Variants in DLGAP2 observed in about 807,000 individuals in gnomAD.
DLGAP2 encodes the protein DLG associated protein 2.
A neutral mutation model predicts 100.3 loss-of-function variants in DLGAP2; 26 were observed. The observed-to-expected ratio is 0.26, with a 90% CI of 0.19 to 0.36. The LOEUF is 0.36. DLGAP2 is among the 10% of genes least tolerant of loss of function. The pLI is 1.00. For missense variants in DLGAP2, 1,858 were observed against 1,453.2 expected, an observed-to-expected ratio of 1.28 and a Z score of -4.53; for synonymous variants, 886 against 630.1, an observed-to-expected ratio of 1.41 and a Z score of -6.08.
At chr8:1,613,234 C>G (rs1349183079) in intron 6 of DLGAP2, among the ~76,000 whole-genome samples, 1 of 143,590 alleles carries the variant, frequency 7.0e-6, no homozygotes, top group African/African-American at 2.6e-5. Flanking sequence ...GAGTTCATGT[C>G]CTTTGTAGGG....
intron 2 of DLGAP2, among the ~76,000 whole-genome samples, chr8:935,185 G>A (rs562480578): frequency 1.4e-4 from 21 of 152,206 alleles, no homozygotes; most frequent in Admixed American, 2.6e-4. Context: ...TTCTCTGAGC[G>A]ACTCCACCAT....
intron 8 of DLGAP2, among the ~76,000 whole-genome samples, chr8:1,660,543 G>T (rs1381511787): frequency 6.6e-6 from 1 of 152,128 alleles, no homozygotes; most frequent in Non-Finnish European, 1.5e-5. Context: ...AATGCGTCTG[G>T]TATCTGCATA....
chr8:861,226 C>G (rs1797383714), intron 1 of DLGAP2, among the ~76,000 whole-genome samples: 1 of 152,196 alleles, frequency 6.6e-6, no homozygotes, highest in Non-Finnish European at 1.5e-5. Flanking sequence ...ATTGACATAG[C>G]ATTTACAATG....
intron 2 of DLGAP2, among the ~76,000 whole-genome samples, chr8:1,202,161 A>G (rs1425642644): frequency 6.6e-6 from 1 of 151,912 alleles, no homozygotes; most frequent in African/African-American, 2.4e-5. Flanking sequence ...TGGTGTGTAC[A>G]GTATCTGTGT....
intron 3 of DLGAP2, among the ~76,000 whole-genome samples, chr8:1,266,647 G>T (rs567649953): frequency 6.6e-6 from 1 of 152,116 alleles, no homozygotes; most frequent in Non-Finnish European, 1.5e-5. Context: ...CAGTCACCAC[G>T]CACTGACGTA....
chr8:1,483,831 G>A (rs1799171580), intron 3 of DLGAP2, among the ~76,000 whole-genome samples: 1 of 152,208 alleles, frequency 6.6e-6, no homozygotes, highest in Non-Finnish European at 1.5e-5. Context: ...GCTTTTGTAA[G>A]GGTCTGGGAG....
chr8:788,581 A>T (rs759731479), intron 1 of DLGAP2, among the ~76,000 whole-genome samples: 10 of 152,230 alleles, frequency 6.6e-5, no homozygotes, highest in Non-Finnish European at 1.3e-4. Flanking sequence ...TACACCTTTG[A>T]TAACATAAAT....
chr8:961,783 G>A (rs1419296119), intron 2 of DLGAP2, among the ~76,000 whole-genome samples: 3 of 152,192 alleles, frequency 2.0e-5, no homozygotes, highest in South Asian at 2.1e-4. Flanking sequence ...ATACGTTTGT[G>A]TAAATTTTTT....
intron 3 of DLGAP2, among the ~76,000 whole-genome samples, chr8:1,347,538 G>C (rs1225635460): frequency 1.3e-5 from 2 of 152,100 alleles, no homozygotes; most frequent in African/African-American, 4.8e-5. Flanking sequence ...CATGGTAGCT[G>C]TGCGGAGGTT....
At chr8:1,553,859 A>G (rs1173975968) in intron 5 of DLGAP2, among the ~76,000 whole-genome samples, 1 of 152,220 alleles carries the variant, frequency 6.6e-6, no homozygotes, top group Non-Finnish European at 1.5e-5. Context: ...CCAGTTAGGT[A>G]CAAAAACACA....
intron 3 of DLGAP2, among the ~76,000 whole-genome samples, chr8:1,291,249 C>G (rs530135417): frequency 6.6e-6 from 1 of 152,070 alleles, no homozygotes; most frequent in Non-Finnish European, 1.5e-5. Context: ...AAATCACAAA[C>G]CAAACATCTG....
rs184116008 is a variant in DLGAP2, at chr8:1,501,375, C to T, written c.116C>T (p.Ala39Val). 21 of 1,535,890 alleles carry T rather than the reference C, an allele frequency of 1.4e-5. No individual in the cohort carries two copies. In the African/African-American group the frequency reaches 2.5e-4, roughly 18 times the overall value. Residue 39 changes from alanine (A) to valine (V), a missense_variant, in exon 4 of 15, where the codon GCT becomes GTT. By Grantham distance (64) the Ala-to-Val change is moderately conservative. Transcript: ENST00000637795. Reference sequence around the variant, plus strand: ...GTTTCTGTCTTTGCAGAGGAAGAAGCTGGAGACTTGGTCCAGCCGGGCATC... The same window carrying T: ...GTTTCTGTCTTTGCAGAGGAAGAAGTTGGAGACTTGGTCCAGCCGGGCATC... The part of the protein sequence containing the change: ...TLCGEPEEEE[A>V]GDLVQPGISF...
chr8:1,045,800 G>T (rs1038468378), intron 2 of DLGAP2, among the ~76,000 whole-genome samples: 5 of 152,140 alleles, frequency 3.3e-5, no homozygotes, highest in African/African-American at 1.2e-4. Flanking sequence ...TAAGTGCTCA[G>T]CAAACATTGG....
At chr8:1,646,459 C>T (rs906602302) in intron 8 of DLGAP2, among the ~76,000 whole-genome samples, 1 of 152,170 alleles carries the variant, frequency 6.6e-6, no homozygotes, top group Admixed American at 6.5e-5. Context: ...TCCATCCCAC[C>T]CATGTTCCAT....
intron 2 of DLGAP2, among the ~76,000 whole-genome samples, chr8:909,596 C>G (rs767343109): frequency 1.3e-5 from 2 of 152,108 alleles, no homozygotes; most frequent in Non-Finnish European, 2.9e-5. Context: ...GAGCTGCCTT[C>G]CACTGGGGCC....
chr8:1,122,490 C>G (rs141668305), intron 2 of DLGAP2, among the ~76,000 whole-genome samples: 88 of 152,306 alleles, frequency 5.8e-4, no homozygotes, highest in African/African-American at 2.0e-3. Context: ...TTTTTGATCC[C>G]ACAATAGGTT....
At chr8:788,380 T>A (rs1367407767) in intron 1 of DLGAP2, among the ~76,000 whole-genome samples, 2 of 152,194 alleles carry the variant, frequency 1.3e-5, no homozygotes, top group Admixed American at 6.5e-5. Context: ...CCACATGCTC[T>A]GGTTGTGGCC....
chr8:1,213,166 G>T (rs1041150291), intron 2 of DLGAP2, among the ~76,000 whole-genome samples: 1 of 152,128 alleles, frequency 6.6e-6, no homozygotes, highest in Non-Finnish European at 1.5e-5. Context: ...TTTCCTTGCT[G>T]TGTGCGGGAT....
At chr8:1,454,874 C>A (rs1170602155) in intron 3 of DLGAP2, among the ~76,000 whole-genome samples, 1 of 152,112 alleles carries the variant, frequency 6.6e-6, no homozygotes, top group East Asian at 1.9e-4. Flanking sequence ...GGTCCTGTGG[C>A]CCACCCTCCC....
Sources: allele counts gnomAD v4.1 joint callset (sites outside exome capture counted in the v4.1 genomes callset), GRCh38; gene constraint gnomAD v4.1.1; transcripts MANE v1.5; gene names NCBI Gene and HGNC (gene_info 2026-07-23, HGNC 2026-07-21).